The following GRM7 variants were observed in gnomAD, a reference collection of about 807,000 sequenced individuals.
GRM7 encodes metabotropic glutamate receptor 7.
GRM7 carries 35 observed loss-of-function variants against 84.5 expected under a neutral mutation model. The ratio of observed to expected loss-of-function variants is 0.41; its 90% confidence interval spans 0.32 to 0.55. The LOEUF is 0.55. GRM7 is among the 20% of genes least tolerant of loss of function. The pLI is 0.19. For missense variants in GRM7, 1,003 were observed against 1,194.6 expected, an observed-to-expected ratio of 0.84 and a Z score of 2.36; for synonymous variants, 487 against 455.1, an observed-to-expected ratio of 1.07 and a Z score of -0.89.
chr3:7,292,232 T>C (rs1699657140), intron 2 of GRM7, among the ~76,000 whole-genome samples: 1 of 152,202 alleles, frequency 6.6e-6, no homozygotes, highest in Admixed American at 6.5e-5. Flanking sequence ...TTAAGTATCC[T>C]TCCTTTCACA....
intron 2 of GRM7, among the ~76,000 whole-genome samples, chr3:7,184,183 T>C (rs1268611342): frequency 1.3e-5 from 2 of 152,028 alleles, no homozygotes; most frequent in African/African-American, 4.8e-5. Context: ...ATATACTATG[T>C]AGCATACTTT....
intron 1 of GRM7, among the ~76,000 whole-genome samples, chr3:7,018,377 C>G (rs1695651009): frequency 6.6e-6 from 1 of 152,216 alleles, no homozygotes. Context: ...ACACTGTCCA[C>G]ACCTGCAGGT....
intron 7 of GRM7, among the ~76,000 whole-genome samples, chr3:7,495,867 C>A (rs989872487): frequency 2.0e-5 from 3 of 152,302 alleles, no homozygotes; most frequent in Admixed American, 2.0e-4. Context: ...AAACAGATCA[C>A]CTTCTTTTAC....
intron 1 of GRM7, among the ~76,000 whole-genome samples, chr3:6,880,272 A>G (rs921088228): frequency 1.3e-5 from 2 of 152,160 alleles, no homozygotes; most frequent in Non-Finnish European, 2.9e-5. Flanking sequence ...GTGGGGAAAA[A>G]TTACTTATCT....
At chr3:7,077,456 G>A (rs1698128381) in intron 1 of GRM7, among the ~76,000 whole-genome samples, 1 of 151,368 alleles carries the variant, frequency 6.6e-6, no homozygotes. Flanking sequence ...ATCATTCTCA[G>A]CAAACTAATG....
At chr3:7,402,009 T>G (rs1308472913) in intron 4 of GRM7, among the ~76,000 whole-genome samples, 1 of 152,178 alleles carries the variant, frequency 6.6e-6, no homozygotes, top group Non-Finnish European at 1.5e-5. Flanking sequence ...AATCAGGTAC[T>G]TGAACATTGT....
At chr3:7,563,090 C>T (rs560896817) in intron 7 of GRM7, among the ~76,000 whole-genome samples, 1 of 152,138 alleles carries the variant, frequency 6.6e-6, no homozygotes. Context: ...GAGAGCATGA[C>T]TCACCCCAGG....
intron 1 of GRM7, among the ~76,000 whole-genome samples, chr3:7,116,709 C>A (rs1296356199): frequency 1.3e-5 from 2 of 152,114 alleles, no homozygotes; most frequent in Non-Finnish European, 2.9e-5. Flanking sequence ...AAAATCTAAA[C>A]CTTCCCTTTT....
At chr3:7,736,725 C>A (rs1297934499) in intron 9 of GRM7, among the ~76,000 whole-genome samples, 2 of 152,032 alleles carry the variant, frequency 1.3e-5, no homozygotes, top group African/African-American at 2.4e-5. Context: ...GGAGGGGCAC[C>A]TGAATCAAGA....
intron 5 of GRM7, among the ~76,000 whole-genome samples, chr3:7,426,902 A>G (rs146145777): frequency 1.3e-5 from 2 of 152,334 alleles, no homozygotes; most frequent in East Asian, 1.9e-4. Flanking sequence ...TTTGCATAAA[A>G]CATTTCAATG....
intron 7 of GRM7, among the ~76,000 whole-genome samples, chr3:7,492,099 A>G (rs895372221): frequency 2.0e-5 from 3 of 152,200 alleles, no homozygotes; most frequent in Admixed American, 2.0e-4. Context: ...ATATATTGTC[A>G]GATTTCATTT....
intron 1 of GRM7, among the ~76,000 whole-genome samples, chr3:7,068,490 A>G (rs985292892): frequency 3.9e-5 from 6 of 152,036 alleles, no homozygotes; most frequent in African/African-American, 1.4e-4. Context: ...CATGTATTTC[A>G]TGATCTTCTA....
At chr3:7,352,541 A>G (rs1337821876) in intron 4 of GRM7, among the ~76,000 whole-genome samples, 1 of 152,122 alleles carries the variant, frequency 6.6e-6, no homozygotes. Context: ...AAAATCAAAC[A>G]CAAGTCCTCA....
chr3:7,021,165 C>G (rs1391948), intron 1 of GRM7, among the ~76,000 whole-genome samples: 22 of 151,940 alleles, frequency 1.4e-4, no homozygotes, highest in Admixed American at 5.2e-4. Flanking sequence ...ATTGATCAAC[C>G]CTTTATTTCC....
chr3:7,090,444 A>G (rs1001067039), intron 1 of GRM7, among the ~76,000 whole-genome samples: 7 of 152,208 alleles, frequency 4.6e-5, no homozygotes, highest in African/African-American at 1.4e-4. Context: ...TTTCTTGCAC[A>G]TAGCATTCTT....
chr3:7,545,016 T>A (rs1693078024), intron 7 of GRM7, among the ~76,000 whole-genome samples: 1 of 152,244 alleles, frequency 6.6e-6, no homozygotes, highest in Admixed American at 6.5e-5. Context: ...TTGAACAGTA[T>A]CCTTAGCACA....
At chr3:7,514,872 T>C (rs1700322459) in intron 7 of GRM7, among the ~76,000 whole-genome samples, 1 of 152,162 alleles carries the variant, frequency 6.6e-6, no homozygotes, top group South Asian at 2.1e-4. Context: ...GATGAAACTT[T>C]GCTCAGATTT....
chr3:7,473,047 G>T (rs557483689), intron 7 of GRM7, among the ~76,000 whole-genome samples: 1 of 152,172 alleles, frequency 6.6e-6, no homozygotes, highest in Non-Finnish European at 1.5e-5. Context: ...GCTGCGAAAG[G>T]CAATGAAGCA....
intron 2 of GRM7, among the ~76,000 whole-genome samples, chr3:7,241,572 A>T (rs919723349): frequency 3.3e-5 from 5 of 152,110 alleles, no homozygotes; most frequent in Non-Finnish European, 7.4e-5. Context: ...ATCAATCAAG[A>T]TATATCAGAT....
Sources: allele counts gnomAD v4.1 joint callset (sites outside exome capture counted in the v4.1 genomes callset), GRCh38; gene constraint gnomAD v4.1.1; transcripts MANE v1.5; gene names NCBI Gene and HGNC (gene_info 2026-07-23, HGNC 2026-07-21).